ZNF7: variants seen among roughly 807,000 people sequenced by gnomAD.
ZNF7 encodes the protein C2-H2 type zinc finger protein.
Under a neutral mutation model 12.0 loss-of-function variants are expected in ZNF7, and 10 were observed. That is an observed-to-expected ratio of 0.83 (90% confidence interval 0.51 to 1.42). The LOEUF is 1.42. Among genes scored for constraint, ZNF7 ranks in the 40% most tolerant of loss-of-function variants. ZNF7 has a pLI of 0.00. For missense variants in ZNF7, 854 were observed against 837.2 expected (o/e 1.02, Z -0.25); for synonymous variants, 334 against 295.0 (o/e 1.13, Z -1.35).
intron 3 of ZNF7, chr8:144,834,680 T>C (rs1297001319): frequency 1.3e-5 from 2 of 151,742 alleles, no homozygotes; most frequent in Non-Finnish European, 2.9e-5. Flanking sequence ...CTAGCCAATA[T>C]TGTATTTTTG....
At position 144,841,319 on chromosome 8, in the gene ZNF7, G is replaced by A. The variant is rs771987821; in HGVS notation, c.248-36G>A. 5.1e-6 allele frequency: 8 copies of A among 1,560,280 alleles called. No homozygotes were observed. The African/African-American group carries it at 8.2e-5, about 16-fold the overall frequency. ...TAGTCTTATCATTTCTCTGAGCACA[G>A]GGCCTAAGGAACGTCTTTGTTCCTG... On this transcript the variant is annotated intron_variant, in intron 4 of 4. Transcript: ENST00000532777.
chr8:144,845,956 C>T, downstream of ZNF7: 2 of 1,535,290 alleles, frequency 1.3e-6, no homozygotes, highest in Non-Finnish European at 1.7e-6. Context: ...ACAGGGGTTG[C>T]TGTTGCTTTT....
In ZNF7 at chr8:144,842,882, G is replaced by A. The variant is rs760541305; in HGVS notation, c.1775G>A (p.Arg592Gln). ...AGTGAGTGTGGAAAAGCCTTCAGCC[G>A]GAGCTCATATCTTATTGAACACCAG... ...ECSECGKAFSRSSYLIEHQRI... is the reference protein window; with the variant it reads ...ECSECGKAFSQSSYLIEHQRI... The change falls in exon 5 of 5, where the codon CGG becomes CAG. Residue 592 changes from arginine (R) to glutamine (Q), a missense_variant. By Grantham distance (43) the Arg-to-Gln change is conservative. Coordinates refer to ENST00000532777, the MANE Select transcript of ZNF7 (RefSeq NM_003416.4). 11 of 1,614,166 alleles carry A rather than the reference G, an allele frequency of 6.8e-6. No individual in the cohort carries two copies. Among genetic ancestry groups the A allele is most frequent in the Middle Eastern group, 1.6e-4 (1 of 6,062 alleles).
At position 144,842,557 on chromosome 8, in the gene ZNF7, C is replaced by G. The variant is rs765141390; in HGVS notation, c.1450C>G (p.Leu484Val). The G allele has an allele frequency of 1.9e-6, 3 of 1,614,136 alleles. No homozygotes were observed. Among genetic ancestry groups the G allele is most frequent in the Non-Finnish European group, 2.5e-6 (3 of 1,180,018 alleles). The change falls in exon 5 of 5, where the codon CTT (leucine) becomes GTT (valine). Residue 484 changes from leucine (L) to valine (V), a missense_variant. Coordinates refer to ENST00000532777, the MANE Select transcript of ZNF7 (RefSeq NM_003416.4). ...CGKGFVQGSH[L>V]IQHQRIHTGE... ...CAAAGGCTTTGTTCAGGGCTCACAC[C>G]TTATTCAGCATCAGCGAATCCACAC...
chr8:144,836,626 C>T (rs1829027858), intron 3 of ZNF7: 1 of 152,316 alleles, frequency 6.6e-6, no homozygotes, highest in South Asian at 2.1e-4. Context: ...GGAGTCCTGC[C>T]TGCATCTGGG....
chr8:144,841,067 C>T, intron 4 of ZNF7: 1 of 384,456 alleles, frequency 2.6e-6, no homozygotes, highest in Non-Finnish European at 4.7e-6. Flanking sequence ...TCTGCATGGA[C>T]TGTGCCCCAC....
At chr8:144,844,317 C>T (rs965578592), downstream of ZNF7, among the ~76,000 whole-genome samples, 1 of 152,228 alleles carries the variant, frequency 6.6e-6, no homozygotes, top group African/African-American at 2.4e-5. Flanking sequence ...CGTGTGCGCA[C>T]AGGCCCTGAG....
Position 144,842,509 on chromosome 8 carries a change from C to A in ZNF7, c.1402C>A (p.Pro468Thr), listed in dbSNP as rs762152302. Residue 468 changes from proline (P) to threonine (T), a missense_variant, in exon 5 of 5, where the codon CCA (proline) becomes ACA (threonine). Physicochemically the swap from Pro to Thr is conservative, Grantham distance 38 (BLOSUM62 -1). Transcript: ENST00000532777. ...RHQRTHTGEKPFKCDECGKGF... is the reference protein window; with the variant it reads ...RHQRTHTGEKTFKCDECGKGF... ...TCAGAGAACTCACACTGGAGAAAAA[C>A]CATTTAAATGTGATGAGTGTGGCAA... The A allele has an allele frequency of 6.2e-7, 1 of 1,614,126 alleles. No homozygotes were observed. Among genetic ancestry groups the A allele is most frequent in the Non-Finnish European group, 8.5e-7 (1 of 1,180,034 alleles).
Position 144,842,564 on chromosome 8 carries a change from A to AGC in ZNF7, c.1458_1459dup (p.His487ArgfsTer51), listed in dbSNP as rs1260138389. 2 of 1,614,194 alleles carry AGC rather than the reference A, an allele frequency of 1.2e-6. No individual in the cohort carries two copies. Among genetic ancestry groups the AGC allele is most frequent in the Non-Finnish European group, 1.7e-6 (2 of 1,180,022 alleles). On this transcript the variant is annotated frameshift_variant, in exon 5 of 5. Coordinates refer to ENST00000532777, the MANE Select transcript of ZNF7 (RefSeq NM_003416.4). LOFTEE classifies it low-confidence loss of function (END_TRUNC). ...TTTGTTCAGGGCTCACACCTTATTC[A>AGC]GCATCAGCGAATCCACACTGGAGAG...
At position 144,843,285 on chromosome 8, in the gene ZNF7, G is replaced by A; in HGVS notation, c.*117G>A. 7.7e-7 allele frequency: 1 copy of A among 1,295,640 alleles called. No homozygotes were observed. The highest frequency in any genetic ancestry group is 1.0e-6 in the Non-Finnish European group (1 of 958,998). 80.3% of individuals were successfully genotyped at this position (1,295,640 alleles called of 1,614,324 possible). A position where few individuals can be genotyped will look rare whatever the true frequency, so the allele number is the denominator to read the frequency against. On this transcript the variant is annotated 3_prime_UTR_variant, in exon 5 of 5. Transcript: ENST00000532777. ...AGAATGTTGGTAAAGGTTCAGAATT[G>A]CTCTCAAGAATATCCAACTTCAGGC... is the stretch of plus-strand genomic sequence containing the variant.
intron 3 of ZNF7, among the ~76,000 whole-genome samples, chr8:144,833,273 T>C (rs1828649094): frequency 6.6e-6 from 1 of 151,890 alleles, no homozygotes; most frequent in African/African-American, 2.4e-5. Context: ...TGAAATGGGA[T>C]GTTTCTGAAC....
In ZNF7 at chr8:144,842,773, A is replaced by T. The variant is rs1830118282; in HGVS notation, c.1666A>T (p.Asn556Tyr). Residue 556 changes from asparagine to tyrosine, a missense_variant, in exon 5 of 5, where the codon AAT becomes TAT. Transcript: ENST00000532777. ...VHTGERPYKC[N>Y]ECGKAFSQNS... Reference sequence around the variant, plus strand: ...CACTGGAGAGAGGCCCTATAAATGTAATGAATGTGGGAAAGCCTTCAGTCA... The same window carrying T: ...CACTGGAGAGAGGCCCTATAAATGTTATGAATGTGGGAAAGCCTTCAGTCA... 8 of 1,614,222 alleles carry T rather than the reference A, an allele frequency of 5.0e-6. No individual in the cohort carries two copies. The highest frequency in any genetic ancestry group is 5.9e-6 in the Non-Finnish European group (7 of 1,180,052).
chr8:144,845,094 TG>T (rs2130752357), downstream of ZNF7, among the ~76,000 whole-genome samples: 1 of 152,236 alleles, frequency 6.6e-6, no homozygotes, highest in Non-Finnish European at 1.5e-5. Context: ...CAGGTCTGGA[TG>T]TAATTTATGG....
rs902225883 is a variant in ZNF7 at position 144,842,037 on chromosome 8, A to G, written c.930A>G (p.Glu310=). Residue 310 remains glutamate (E), a synonymous_variant, in exon 5 of 5, where the codon GAA becomes GAG. Transcript: ENST00000532777. The stretch of plus-strand genomic sequence containing the variant: ...GGGAGAAGCCCTACAGATGTGAGGA[A>G]TGTGGAAAAGCTTTTGGTCAGAGCT... ...HTGEKPYRCE[E]CGKAFGQSSS... 2 of 1,613,732 alleles carry G rather than the reference A, an allele frequency of 1.2e-6. No homozygotes were observed. The highest frequency in any genetic ancestry group is 1.7e-6 in the Non-Finnish European group (2 of 1,179,912).
chr8:144,840,881 G>A (rs528139357), intron 4 of ZNF7, among the ~76,000 whole-genome samples: 9 of 152,290 alleles, frequency 5.9e-5, no homozygotes, highest in South Asian at 2.1e-4. Context: ...CTGAGCTCAC[G>A]TAGTAAGTCC....
chr8:144,828,568 G>C (rs575935454), intron 1 of ZNF7, among the ~76,000 whole-genome samples: 1 of 152,172 alleles, frequency 6.6e-6, no homozygotes, highest in Non-Finnish European at 1.5e-5. Flanking sequence ...GCTGCCTGGA[G>C]TGCTCTCTCC....
At chr8:144,838,754 A>G in intron 4 of ZNF7, 1 of 152,404 alleles carries the variant, frequency 6.6e-6, no homozygotes. Context: ...CATCCTGGCC[A>G]ACACGGTGAA....
chr8:144,829,007 CACCTTGACCTCTAA>C (rs1828123330), intron 1 of ZNF7, 22 bp from the exon 2 acceptor site: 1 of 1,605,500 alleles, frequency 6.2e-7, no homozygotes. Context: ...GGGCTTCTGG[CACCTTGACCTCTAA>C]TCCTTTCATA....
intron 1 of ZNF7, 36 bp from the exon 2 acceptor site, chr8:144,829,007 C>T: frequency 1.2e-6 from 2 of 1,605,620 alleles, no homozygotes; most frequent in African/African-American, 2.7e-5. Flanking sequence ...GGGCTTCTGG[C>T]ACCTTGACCT....
Sources: allele counts gnomAD v4.1 joint callset (sites outside exome capture counted in the v4.1 genomes callset), GRCh38; gene constraint gnomAD v4.1.1; transcripts MANE v1.5; gene names NCBI Gene and HGNC (gene_info 2026-07-23, HGNC 2026-07-21).